SLC22A9: variants seen among roughly 807,000 people sequenced by gnomAD.
SLC22A9 encodes solute carrier family 22 member 9.
A neutral mutation model predicts 50.1 loss-of-function variants in SLC22A9; 64 were observed. The observed-to-expected ratio is 1.28, with a 90% CI of 1.04 to 1.57. The LOEUF is 1.57. Ranked by LOEUF, SLC22A9 falls within the 40% of genes most tolerant of loss-of-function variation. The pLI is 0.00. For synonymous variants in SLC22A9, 261 were observed against 242.5 expected (o/e 1.08, Z -0.71); for missense variants, 757 against 676.1 (o/e 1.12, Z -1.33).
In SLC22A9 at chr11:63,370,351, C is replaced by T. The variant is rs1565179906; in HGVS notation, c.295C>T (p.Leu99Phe). 6.2e-7 allele frequency: 1 copy of T among 1,613,998 alleles called. No homozygotes were observed. The highest frequency in any genetic ancestry group is 1.7e-5 in the Admixed American group (1 of 60,010). The change falls in exon 1 of 10, where the codon CTT (leucine) becomes TTT (phenylalanine). Residue 99 changes from leucine to phenylalanine, a missense_variant. Leu to Phe is a conservative substitution (Grantham distance 22). Coordinates refer to ENST00000279178, the MANE Select transcript of SLC22A9 (RefSeq NM_080866.3). Reference sequence around the variant, plus strand: ...CTTTGTTCATCCTCAGTGGCAGCTCCTTCACCTGAATGGGACCTTCCCCAA... The same window carrying T: ...CTTTGTTCATCCTCAGTGGCAGCTCTTTCACCTGAATGGGACCTTCCCCAA... ...RRFVHPQWQL[L>F]HLNGTFPNTS...
At position 63,383,921 on chromosome 11, in the gene SLC22A9, C is replaced by T. The variant is rs182555205; in HGVS notation, c.1073+1644C>T. Among the ~76,000 whole-genome samples the T allele has an allele frequency of 2.2e-3, 341 of 151,974 alleles. No individual in the cohort carries two copies. The South Asian group carries it at 0.028, about 13-fold the overall frequency. On this transcript the variant is annotated intron_variant, in intron 6 of 9. Transcript: ENST00000279178. ...AAAATTAGTTGGGCGTGGTGGTGCA[C>T]GCCTGTAGTCCCAGCTACTTGGGAG...
At chr11:63,371,359 CA>C in intron 2 of SLC22A9, 121 bp downstream of exon 2, 1 of 741,694 alleles carries the variant, frequency 1.3e-6, no homozygotes, top group South Asian at 2.2e-5. Context: ...GATCCCCAAA[CA>C]GAAAAGGAAA....
At chr11:63,374,138 T>A in intron 4 of SLC22A9, 76 bp downstream of exon 4, 1 of 1,383,434 alleles carries the variant, frequency 7.2e-7, no homozygotes, top group South Asian at 1.5e-5. Flanking sequence ...CACCTGAATT[T>A]CTTTTTGTTC....
chr11:63,393,385 T>C (rs919689185), intron 6 of SLC22A9, among the ~76,000 whole-genome samples: 34 of 152,294 alleles, frequency 2.2e-4, no homozygotes, highest in African/African-American at 7.7e-4. Flanking sequence ...AGGAACTTTC[T>C]GGAGGAGTCT....
chr11:63,376,170 G>A (rs1013373910), intron 5 of SLC22A9, among the ~76,000 whole-genome samples: 1 of 152,034 alleles, frequency 6.6e-6, no homozygotes, highest in African/African-American at 2.4e-5. Context: ...AACATAAAGA[G>A]TTCACTTATT....
intron 5 of SLC22A9, among the ~76,000 whole-genome samples, chr11:63,380,424 A>T (rs112436996): frequency 6.6e-6 from 1 of 152,180 alleles, no homozygotes; most frequent in Non-Finnish European, 1.5e-5. Context: ...TAACAAAGAC[A>T]TGGAATCAAC....
At chr11:63,392,349 C>A (rs2014779045) in intron 6 of SLC22A9, among the ~76,000 whole-genome samples, 1 of 152,024 alleles carries the variant, frequency 6.6e-6, no homozygotes. Flanking sequence ...TCATCAATGT[C>A]ATTGTCTTTC....
In SLC22A9 at chr11:63,410,257, A is replaced by AAAAAAAAAAAAAAAAGAAGGAAAGAAAG; in HGVS notation, c.*398_*399insAAAAAAAAAAAAGAAGGAAAGAAAGAAA. On this transcript the variant is annotated 3_prime_UTR_variant, in exon 10 of 10. Coordinates refer to ENST00000279178, the MANE Select transcript of SLC22A9 (RefSeq NM_080866.3). ...CTGTCTCAAAAAAAAAAAAAAAAAA[A>AAAAAAAAAAAAAAAAGAAGGAAAGAAAG]AAAGAAAGAAGGAAAGAAAGAAAGA... 4.6e-5 allele frequency: 5 copies of AAAAAAAAAAAAAAAAGAAGGAAAGAAAG among 108,464 alleles called. No homozygotes were observed. Among genetic ancestry groups the AAAAAAAAAAAAAAAAGAAGGAAAGAAAG allele is most frequent in the African/African-American group, 1.8e-4 (4 of 22,618 alleles). 6.7% of individuals were successfully genotyped at this position (108,464 alleles called of 1,614,324 possible).
chr11:63,393,390 G>C (rs1203953374), intron 6 of SLC22A9, among the ~76,000 whole-genome samples: 1 of 152,104 alleles, frequency 6.6e-6, no homozygotes, highest in East Asian at 1.9e-4. Context: ...CTTTCTGGAG[G>C]AGTCTCTAGT....
intron 6 of SLC22A9, among the ~76,000 whole-genome samples, chr11:63,397,155 G>T (rs1257537995): frequency 6.6e-6 from 1 of 152,062 alleles, no homozygotes; most frequent in Non-Finnish European, 1.5e-5. Context: ...CATGGTCATG[G>T]ATAACATCCA....
chr11:63,395,492 T>C (rs1040581107), intron 6 of SLC22A9, among the ~76,000 whole-genome samples: 7 of 152,178 alleles, frequency 4.6e-5, no homozygotes, highest in Admixed American at 1.3e-4. Flanking sequence ...ATCTTGCTTC[T>C]GGATCTAGCC....
In SLC22A9 at chr11:63,370,415, G is replaced by A. The variant is rs371439633; in HGVS notation, c.359G>A (p.Trp120Ter). 3.5e-5 allele frequency: 57 copies of A among 1,609,438 alleles called. No individual in the cohort carries two copies. Among genetic ancestry groups the A allele is most frequent in the South Asian group, 2.3e-4 (21 of 90,100 alleles). Residue 120 changes from tryptophan (W) to a stop codon, truncating the protein, a stop_gained, in exon 1 of 10, where the codon TGG (tryptophan) becomes TAG (stop). Coordinates refer to ENST00000279178, the MANE Select transcript of SLC22A9 (RefSeq NM_080866.3). LOFTEE classifies it high-confidence loss of function. Reference protein sequence around the residue: ...DADMEPCVDGWVYDRISFSST... With the variant: ...DADMEPCVDG Reference sequence around the variant, plus strand: ...GACATGGAGCCCTGTGTGGATGGCTGGGTGTATGACAGAATCTCCTTCTCA... The same window carrying A: ...GACATGGAGCCCTGTGTGGATGGCTAGGTGTATGACAGAATCTCCTTCTCA...
Position 63,409,076 on chromosome 11 carries a change from G to C in SLC22A9, c.1601+197G>C, listed in dbSNP as rs58202765. 3.9e-3 allele frequency among the ~76,000 whole-genome samples: 598 copies of C among 152,256 alleles called. 4 individuals are homozygous for C. The highest frequency in any genetic ancestry group is 0.014 in the African/African-American group (575 of 41,546). Reference sequence around the variant, plus strand: ...CTCAGACACCCTCTGAGGCTCTCCAGATCACACAGACCAGCTCTGCCCAGC... The same window carrying C: ...CTCAGACACCCTCTGAGGCTCTCCACATCACACAGACCAGCTCTGCCCAGC... On this transcript the variant is annotated intron_variant, in intron 9 of 9. Transcript: ENST00000279178.
At chr11:63,389,489 T>C (rs976822866) in intron 6 of SLC22A9, among the ~76,000 whole-genome samples, 6 of 152,196 alleles carry the variant, frequency 3.9e-5, no homozygotes, top group African/African-American at 1.4e-4. Context: ...GCTTCATCCA[T>C]GTCCCTGCAA....
intron 6 of SLC22A9, among the ~76,000 whole-genome samples, chr11:63,395,149 A>T (rs1177791421): frequency 6.6e-6 from 1 of 151,730 alleles, no homozygotes; most frequent in East Asian, 1.9e-4. Flanking sequence ...CACTTCTTGT[A>T]TCATTTTTTA....
chr11:63,374,714 A>C (rs1329234339), intron 4 of SLC22A9, among the ~76,000 whole-genome samples: 3 of 152,132 alleles, frequency 2.0e-5, no homozygotes, highest in Non-Finnish European at 4.4e-5. Context: ...ATGGTAGTCT[A>C]TGTTTTTATA....
At chr11:63,389,584 A>G (rs1355777876) in intron 6 of SLC22A9, among the ~76,000 whole-genome samples, 1 of 152,078 alleles carries the variant, frequency 6.6e-6, no homozygotes, top group African/African-American at 2.4e-5. Context: ...TCTATCACTG[A>G]TGGGCATTTG....
At chr11:63,384,904 T>A (rs549048953) in intron 6 of SLC22A9, among the ~76,000 whole-genome samples, 1 of 152,328 alleles carries the variant, frequency 6.6e-6, no homozygotes, top group East Asian at 1.9e-4. Context: ...GTTGAGCTTT[T>A]TTTCATATGT....
At chr11:63,389,134 T>C (rs2014717994) in intron 6 of SLC22A9, among the ~76,000 whole-genome samples, 1 of 152,074 alleles carries the variant, frequency 6.6e-6, no homozygotes, top group African/African-American at 2.4e-5. Flanking sequence ...ATCATCTGTA[T>C]TGTGTTATTT....
Sources: allele counts gnomAD v4.1 joint callset (sites outside exome capture counted in the v4.1 genomes callset), GRCh38; gene constraint gnomAD v4.1.1; transcripts MANE v1.5; gene names NCBI Gene and HGNC (gene_info 2026-07-23, HGNC 2026-07-21).